PATJ: variants seen among roughly 807,000 people sequenced by gnomAD.
The protein encoded by PATJ is inaD-like protein.
PATJ carries 190 observed loss-of-function variants against 224.9 expected under a neutral mutation model. The observed-to-expected ratio is 0.84, with a 90% CI of 0.75 to 0.95. The LOEUF (loss-of-function observed/expected upper bound fraction) is 0.95, where lower values mean the gene tolerates loss of function less well. PATJ is among the 40% of genes least tolerant of loss of function. The pLI is 0.00. For synonymous variants in PATJ, 769 were observed against 820.3 expected, an observed-to-expected ratio of 0.94 and a Z score of 1.07; for missense variants, 2,121 against 2,270.3, an observed-to-expected ratio of 0.93 and a Z score of 1.34.
intron 25 of PATJ, 143 bp from the exon 26 acceptor site, chr1:61,914,444 G>A (rs568624312): frequency 7.7e-5 from 34 of 441,032 alleles, no homozygotes; most frequent in South Asian, 4.4e-4. Flanking sequence ...TGACAAGAGC[G>A]AATCTCCATC....
intron 33 of PATJ, among the ~76,000 whole-genome samples, chr1:62,084,956 A>G (rs1046996902): frequency 1.3e-5 from 2 of 152,074 alleles, no homozygotes; most frequent in African/African-American, 4.8e-5. Context: ...CATCTCTACA[A>G]AAAGTACAAA....
chr1:61,846,982 G>A (rs2365498), intron 17 of PATJ, among the ~76,000 whole-genome samples: 31,423 of 152,152 alleles, frequency 0.21, 4,042 homozygotes, highest in East Asian at 0.56. Context: ...GGGGCTTTTA[G>A]ATAAAGGATA....
chr1:62,148,121 T>TAA (rs59697245), intron 41 of PATJ, among the ~76,000 whole-genome samples, 163 bp from the exon 42 acceptor site: 3 of 118,494 alleles, frequency 2.5e-5, no homozygotes, highest in African/African-American at 9.3e-5. Context: ...ACACTGTCTT[T>TAA]AAAAAAAAAA....
chr1:61,962,639 G>A (rs1681475384), intron 27 of PATJ, among the ~76,000 whole-genome samples: 1 of 152,198 alleles, frequency 6.6e-6, no homozygotes, highest in Non-Finnish European at 1.5e-5. Flanking sequence ...TGCAACAGGA[G>A]GACTAATTAG....
intron 27 of PATJ, among the ~76,000 whole-genome samples, chr1:61,978,750 G>A (rs1472622730): frequency 3.3e-5 from 5 of 151,864 alleles, no homozygotes; most frequent in Non-Finnish European, 5.9e-5. Flanking sequence ...GTTTTTAAAT[G>A]TTTTCTCTGT....
Position 61,927,798 on chromosome 1 carries a change from T to G in PATJ, c.3639T>G (p.Asp1213Glu), listed in dbSNP as rs748087532. The G allele has an allele frequency of 2.7e-5, 43 of 1,613,522 alleles. No homozygotes were observed. In the South Asian group the frequency reaches 4.2e-4, roughly 16 times the overall value. ...ATAAAGCTCTGACTGATGACAGTGA[T>G]GAAAATGAAGAAGAAGATGCCTTTA... ...PPYKALTDDS[D>E]ENEEEDAFTD... The change falls in exon 27 of 44, where the codon GAT becomes GAG. Residue 1213 changes from aspartate (D) to glutamate (E), a missense_variant. Transcript: ENST00000642238.
At chr1:61,831,187 CAA>C (rs545292546) in intron 16 of PATJ, among the ~76,000 whole-genome samples, 11 of 65,282 alleles carry the variant, frequency 1.7e-4, no homozygotes, top group Non-Finnish European at 2.3e-4. Context: ...GACTCTGTCT[CAA>C]AAAAAAAAAA....
chr1:62,150,467 G>A (rs1668504851), intron 42 of PATJ, among the ~76,000 whole-genome samples: 1 of 152,080 alleles, frequency 6.6e-6, no homozygotes, highest in Non-Finnish European at 1.5e-5. Flanking sequence ...CTCAGTTAAG[G>A]AGTGTAGTTG....
At chr1:62,079,862 A>T (rs547328011) in intron 32 of PATJ, among the ~76,000 whole-genome samples, 1 of 152,118 alleles carries the variant, frequency 6.6e-6, no homozygotes, top group Non-Finnish European at 1.5e-5. Context: ...CCCTGTCTCT[A>T]CTAAAAATAC....
chr1:62,017,729 CAAAAAAAA>C (rs58692636), intron 28 of PATJ, 119 bp from the exon 29 acceptor site: 11 of 324,376 alleles, frequency 3.4e-5, no homozygotes, highest in Admixed American at 2.6e-4. Context: ...GAGACTGTCT[CAAAAAAAA>C]AAAAAAAAAA....
chr1:62,050,573 A>C (rs1189906871), intron 30 of PATJ, among the ~76,000 whole-genome samples: 1 of 152,206 alleles, frequency 6.6e-6, no homozygotes, highest in African/African-American at 2.4e-5. Context: ...CAGCTCTCTT[A>C]AGACTAAAGA....
At chr1:62,013,163 TCTG>T (rs1169889873) in intron 28 of PATJ, among the ~76,000 whole-genome samples, 1 of 152,244 alleles carries the variant, frequency 6.6e-6, no homozygotes, top group African/African-American at 2.4e-5. Context: ...AAATTAACGA[TCTG>T]CTTTCTTCAT....
At chr1:62,106,166 A>G (rs753725054) in intron 33 of PATJ, among the ~76,000 whole-genome samples, 1,651 of 85,710 alleles carry the variant, frequency 0.019, 213 homozygotes, top group Non-Finnish European at 0.027. Context: ...GTGTATATAT[A>G]TATATATATA....
intron 27 of PATJ, among the ~76,000 whole-genome samples, chr1:61,982,528 T>C (rs1225465554): frequency 6.6e-6 from 1 of 152,034 alleles, no homozygotes; most frequent in Non-Finnish European, 1.5e-5. Context: ...GAAGAATCGA[T>C]GACACAGTGA....
chr1:61,784,494 A>G (rs1648069985), intron 7 of PATJ, among the ~76,000 whole-genome samples: 1 of 152,218 alleles, frequency 6.6e-6, no homozygotes, highest in Admixed American at 6.5e-5. Context: ...TAGCAAGAAA[A>G]TGTTTGACTT....
intron 14 of PATJ, among the ~76,000 whole-genome samples, chr1:61,809,434 C>T (rs1047854122): frequency 6.7e-6 from 1 of 149,272 alleles, no homozygotes; most frequent in Non-Finnish European, 1.5e-5. Context: ...GTTGCCCAGG[C>T]TGGAGTGCAG....
intron 37 of PATJ, among the ~76,000 whole-genome samples, chr1:62,118,687 T>C (rs571719416): frequency 6.6e-6 from 1 of 152,254 alleles, no homozygotes; most frequent in South Asian, 2.1e-4. Context: ...TGGAGTGCAA[T>C]GGCGCGATCT....
At chr1:61,768,945 T>C (rs1171242120) in intron 4 of PATJ, among the ~76,000 whole-genome samples, 1 of 152,160 alleles carries the variant, frequency 6.6e-6, no homozygotes, top group Non-Finnish European at 1.5e-5. Context: ...TGAGAGAATT[T>C]AAGGAAATTC....
chr1:61,748,762 G>A (rs188451851), intron 1 of PATJ, among the ~76,000 whole-genome samples: 84 of 151,788 alleles, frequency 5.5e-4, no homozygotes, highest in African/African-American at 2.0e-3. Flanking sequence ...GGGCACAAGG[G>A]TTCCTCCCAC....
Sources: allele counts gnomAD v4.1 joint callset (sites outside exome capture counted in the v4.1 genomes callset), GRCh38; gene constraint gnomAD v4.1.1; transcripts MANE v1.5; gene names NCBI Gene and HGNC (gene_info 2026-07-23, HGNC 2026-07-21).